BICC1: variants seen among roughly 807,000 people sequenced by gnomAD.
BICC1 encodes BicC family RNA binding protein 1.
In BICC1, 43 loss-of-function variants were observed where a neutral mutation model predicts 111.0. The ratio of observed to expected loss-of-function variants is 0.39; its 90% CI spans 0.30 to 0.50. The LOEUF is 0.50. Ranked by LOEUF, BICC1 falls within the 20% of genes least tolerant of loss-of-function variation. The probability of loss-of-function intolerance (pLI) is 0.88; values close to 1 mark genes in which losing one functional copy is unlikely to be tolerated. For synonymous variants in BICC1, 467 were observed against 434.4 expected (o/e 1.07, Z -0.93); for missense variants, 1,091 against 1,203.2 (o/e 0.91, Z 1.38).
intron 2 of BICC1, among the ~76,000 whole-genome samples, chr10:58,676,603 G>A (rs192796268): frequency 3.3e-5 from 5 of 152,306 alleles, no homozygotes; most frequent in African/African-American, 1.2e-4. Flanking sequence ...GGGGAAAGGG[G>A]TGGCTGTGGG....
rs562882356 is a variant in BICC1 at position 58,524,957 on chromosome 10, A to G, written c.190+11624A>G. Among the ~76,000 whole-genome samples, 676 of 152,160 alleles carry G rather than the reference A, an allele frequency of 4.4e-3. 5 individuals carry two copies. Among genetic ancestry groups the G allele is most frequent in the African/African-American group, 0.015 (635 of 41,504 alleles). Reference sequence around the variant, plus strand: ...ACTTTTGCAGCCAACAGACACATGAAAAAATGCTCATCATCACTGGCCATC... The same window carrying G: ...ACTTTTGCAGCCAACAGACACATGAGAAAATGCTCATCATCACTGGCCATC... On this transcript the variant is annotated intron_variant, in intron 1 of 20. Transcript: ENST00000373886.
At chr10:58,655,924 G>C (rs1838629180) in intron 2 of BICC1, among the ~76,000 whole-genome samples, 1 of 151,830 alleles carries the variant, frequency 6.6e-6, no homozygotes, top group African/African-American at 2.4e-5. Context: ...TTTTTTGAAA[G>C]GATCAACAAA....
At position 58,513,272 on chromosome 10, in the gene BICC1, C is replaced by T. The variant is rs1367178365; in HGVS notation, c.129C>T (p.Ser43=). 3.1e-6 allele frequency: 5 copies of T among 1,612,868 alleles called. No homozygotes were observed. The highest frequency in any genetic ancestry group is 4.2e-6 in the Non-Finnish European group (5 of 1,179,496). ...DDLVAGATLH[S]PEWSEERFRV... is the part of the protein sequence containing the mutation. The stretch of plus-strand genomic sequence containing the variant: ...TGGTCGCCGGGGCGACCCTGCACAG[C>T]CCGGAGTGGAGCGAGGAGCGCTTCC... The change falls in exon 1 of 21, where the codon AGC becomes AGT. Residue 43 remains serine (S), a synonymous_variant. Transcript: ENST00000373886.
chr10:58,664,403 G>C (rs1365935126), intron 2 of BICC1, among the ~76,000 whole-genome samples: 1 of 152,118 alleles, frequency 6.6e-6, no homozygotes, highest in African/African-American at 2.4e-5. Flanking sequence ...GGATTAAAAA[G>C]CATTAAGAGT....
At chr10:58,561,255 AATTAT>A (rs2131949026) in intron 1 of BICC1, among the ~76,000 whole-genome samples, 1 of 152,138 alleles carries the variant, frequency 6.6e-6, no homozygotes, top group Non-Finnish European at 1.5e-5. Flanking sequence ...TATTTACAAT[AATTAT>A]ATTTTCTGGC....
chr10:58,727,627 A>G (rs1208712764), intron 3 of BICC1, among the ~76,000 whole-genome samples: 1 of 152,154 alleles, frequency 6.6e-6, no homozygotes, highest in African/African-American at 2.4e-5. Context: ...GGCGGTTCAT[A>G]CTTAAGAATT....
intron 2 of BICC1, among the ~76,000 whole-genome samples, chr10:58,643,330 A>G (rs1588964130): frequency 6.6e-6 from 1 of 152,194 alleles, no homozygotes; most frequent in East Asian, 1.9e-4. Flanking sequence ...CCTTGTTCTG[A>G]TTACAGAGCT....
chr10:58,799,816 T>C (rs751481739), intron 12 of BICC1, among the ~76,000 whole-genome samples: 1 of 152,200 alleles, frequency 6.6e-6, no homozygotes, highest in Non-Finnish European at 1.5e-5. Context: ...TTGCTTAAGA[T>C]TGCTTTGGCT....
chr10:58,542,951 T>G (rs1843034754), intron 1 of BICC1, among the ~76,000 whole-genome samples: 1 of 151,842 alleles, frequency 6.6e-6, no homozygotes. Context: ...CTAGGGAAAA[T>G]GATATAGAGG....
chr10:58,606,100 G>T (rs1845203258), intron 1 of BICC1, among the ~76,000 whole-genome samples: 1 of 151,560 alleles, frequency 6.6e-6, no homozygotes, highest in Non-Finnish European at 1.5e-5. Flanking sequence ...CTGTTGGCCT[G>T]CTTCATCCTT....
chr10:58,776,825 A>G (rs1842760860), intron 3 of BICC1, among the ~76,000 whole-genome samples: 1 of 152,100 alleles, frequency 6.6e-6, no homozygotes, highest in African/African-American at 2.4e-5. Context: ...TCCCCTTCCC[A>G]GAATCCTCTT....
intron 1 of BICC1, among the ~76,000 whole-genome samples, chr10:58,572,044 T>A (rs1170544181): frequency 1.3e-5 from 2 of 152,208 alleles, no homozygotes; most frequent in African/African-American, 4.8e-5. Context: ...TAGTGTGAGA[T>A]GATATCTCAT....
intron 4 of BICC1, among the ~76,000 whole-genome samples, 170 bp downstream of exon 4, chr10:58,785,250 G>A (rs1842977680): frequency 6.6e-6 from 1 of 152,104 alleles, no homozygotes. Context: ...TTTAATATTT[G>A]AATAGGTTCT....
chr10:58,548,824 G>A (rs539485942), intron 1 of BICC1, among the ~76,000 whole-genome samples: 4 of 151,984 alleles, frequency 2.6e-5, no homozygotes, highest in South Asian at 4.1e-4. Flanking sequence ...GGACAGGGTC[G>A]TGCTCTGTCA....
At chr10:58,626,255 A>G (rs1290076484) in intron 2 of BICC1, among the ~76,000 whole-genome samples, 1 of 152,202 alleles carries the variant, frequency 6.6e-6, no homozygotes, top group Non-Finnish European at 1.5e-5. Context: ...ATGAAAACTT[A>G]GGGCCTAAAG....
In BICC1 at chr10:58,739,206, T is replaced by C. The variant is rs186457693; in HGVS notation, c.307+37063T>C. On this transcript the variant is annotated intron_variant, in intron 3 of 20. Transcript: ENST00000373886. ...TTCCAGTTTTCCATTCAATATGATA[T>C]TGGCTGTGGGTTTGTCATAGATAGC... Among the ~76,000 whole-genome samples the C allele has an allele frequency of 4.1e-3, 624 of 152,220 alleles. 2 individuals carry two copies. Among genetic ancestry groups the C allele is most frequent in the Non-Finnish European group, 7.1e-3 (483 of 67,960 alleles).
chr10:58,776,268 A>AC (rs1842746556), intron 3 of BICC1, among the ~76,000 whole-genome samples: 1 of 152,222 alleles, frequency 6.6e-6, no homozygotes, highest in African/African-American at 2.4e-5. Flanking sequence ...CTGTAACAGC[A>AC]ACCAGCAGTT....
At chr10:58,767,077 C>A (rs1212115799) in intron 3 of BICC1, among the ~76,000 whole-genome samples, 1 of 152,146 alleles carries the variant, frequency 6.6e-6, no homozygotes, top group Non-Finnish European at 1.5e-5. Flanking sequence ...GACCTATAAA[C>A]CCAACCAATT....
chr10:58,678,458 A>G (rs966454438), intron 2 of BICC1, among the ~76,000 whole-genome samples: 8 of 152,158 alleles, frequency 5.3e-5, no homozygotes, highest in African/African-American at 1.9e-4. Context: ...GACATTACAA[A>G]ATGACAAAGG....
Sources: gnomAD v4.1 joint callset for allele counts (sites outside exome capture counted in the v4.1 genomes callset) on GRCh38, gnomAD v4.1.1 for gene constraint, MANE v1.5 for transcripts, NCBI Gene and HGNC (gene_info 2026-07-23, HGNC 2026-07-21) for gene names.